The following DENND5B variants were observed in gnomAD, a reference collection of about 807,000 sequenced individuals.
The protein encoded by DENND5B is DENN domain-containing protein 5B.
A neutral mutation model predicts 140.6 loss-of-function variants in DENND5B; 34 were observed. The ratio of observed to expected loss-of-function variants is 0.24; its 90% CI spans 0.18 to 0.32. DENND5B has a LOEUF of 0.32. Among genes scored for constraint, DENND5B ranks in the 10% least tolerant of loss-of-function variants. The probability of loss-of-function intolerance (pLI) is 1.00; values close to 1 mark genes in which losing one functional copy is unlikely to be tolerated. For synonymous variants in DENND5B, 551 were observed against 562.1 expected, an observed-to-expected ratio of 0.98 and a Z score of 0.28; for missense variants, 1,142 against 1,560.2, an observed-to-expected ratio of 0.73 and a Z score of 4.52.
At chr12:31,563,086 T>C (rs1949529835) in intron 1 of DENND5B, among the ~76,000 whole-genome samples, 1 of 152,204 alleles carries the variant, frequency 6.6e-6, no homozygotes, top group Non-Finnish European at 1.5e-5. Context: ...AAATGAGTTC[T>C]ACTGACCATC....
In DENND5B at chr12:31,521,887, T is replaced by C. The variant is rs527793900; in HGVS notation, c.128-25968A>G. Among the ~76,000 whole-genome samples the C allele has an allele frequency of 4.7e-4, 71 of 152,344 alleles. 1 individual carries two copies. The highest frequency in any genetic ancestry group is 1.6e-3 in the African/African-American group (68 of 41,584). On this transcript the variant is annotated intron_variant, in intron 1 of 20. Coordinates refer to ENST00000389082, the MANE Select transcript of DENND5B (RefSeq NM_144973.4). ...AAATCATCTTCTTAATATGCTAATC[T>C]GATCATTATAATCCCCTGCATAAAA...
At chr12:31,564,937 C>T (rs929105506) in intron 1 of DENND5B, among the ~76,000 whole-genome samples, 8 of 152,018 alleles carry the variant, frequency 5.3e-5, no homozygotes, top group African/African-American at 1.7e-4. Context: ...TTTCCTTCAG[C>T]GGAGATGGCA....
intron 8 of DENND5B, 29 bp downstream of exon 8, chr12:31,433,126 G>T: frequency 6.3e-7 from 1 of 1,599,406 alleles, no homozygotes; most frequent in Non-Finnish European, 8.6e-7. Flanking sequence ...CGCTTGCTGT[G>T]AGGCACCCCA....
intron 1 of DENND5B, among the ~76,000 whole-genome samples, chr12:31,522,664 G>A (rs547059607): frequency 3.7e-4 from 56 of 152,130 alleles, no homozygotes; most frequent in Admixed American, 1.6e-3. Context: ...GGCTGGTCTC[G>A]TTACTTGTGA....
At chr12:31,419,370 A>G (rs1942912860) in intron 11 of DENND5B, among the ~76,000 whole-genome samples, 1 of 151,534 alleles carries the variant, frequency 6.6e-6, no homozygotes. Context: ...AATCTCTTGA[A>G]CTCGGGAGGT....
intron 2 of DENND5B, among the ~76,000 whole-genome samples, chr12:31,491,326 G>A (rs934882645): frequency 6.6e-6 from 1 of 152,098 alleles, no homozygotes; most frequent in Non-Finnish European, 1.5e-5. Flanking sequence ...GATGGTGCGC[G>A]ACTATAATCC....
At chr12:31,462,734 G>A (rs962124029) in intron 3 of DENND5B, among the ~76,000 whole-genome samples, 2 of 152,116 alleles carry the variant, frequency 1.3e-5, no homozygotes, top group African/African-American at 4.8e-5. Context: ...CGAGGTGGGT[G>A]GATTACCTGA....
intron 8 of DENND5B, among the ~76,000 whole-genome samples, chr12:31,427,480 T>C (rs148584396): frequency 5.9e-5 from 9 of 151,470 alleles, no homozygotes; most frequent in South Asian, 2.1e-4. Flanking sequence ...GTGGTGGACG[T>C]CTGTAATCCC....
intron 1 of DENND5B, among the ~76,000 whole-genome samples, chr12:31,522,307 A>G (rs188828762): frequency 6.6e-6 from 1 of 152,224 alleles, no homozygotes; most frequent in African/African-American, 2.4e-5. Context: ...AAGCATGGCC[A>G]TATCAGGAAC....
At chr12:31,459,250 C>T (rs2568884) in intron 4 of DENND5B, among the ~76,000 whole-genome samples, 98,568 of 151,730 alleles carry the variant, frequency 0.65, 33,388 homozygotes, top group East Asian at 0.86. Flanking sequence ...GGAGGTGTTA[C>T]TATTCTTACT....
In DENND5B at chr12:31,443,076, G is replaced by A. The variant is rs993884978; in HGVS notation, c.1862-151C>T. 5.3e-5 allele frequency among the ~76,000 whole-genome samples: 8 copies of A among 151,782 alleles called. No homozygotes were observed. In the East Asian group the frequency reaches 5.8e-4, roughly 11 times the overall value. On this transcript the variant is annotated intron_variant, in intron 6 of 20. Coordinates refer to ENST00000389082, the MANE Select transcript of DENND5B (RefSeq NM_144973.4). ...TGTGTGTGTGTGTGCACGCACGCAC[G>A]CATATATGCATGTTTTGAGACAGAG...
rs1267148968 is a variant in DENND5B at position 31,590,661 on chromosome 12, C to T, written c.127+45G>A. 2.8e-6 allele frequency: 4 copies of T among 1,423,404 alleles called. No individual in the cohort carries two copies. In the East Asian group the frequency reaches 1.2e-4, roughly 44 times the overall value. The allele number at this position is 1,423,404 out of a possible 1,614,324, so 88.2% of individuals were successfully genotyped here. A position where few individuals can be genotyped will look rare whatever the true frequency, so the allele number is the denominator to read the frequency against. ...CTCCCGCGCGTCCCCACAGCGTCCC[C>T]CGCGCCCCTGAGGGGGCTCAGCGCC... On this transcript the variant is annotated intron_variant, in intron 1 of 20. Transcript: ENST00000389082.
intron 1 of DENND5B, among the ~76,000 whole-genome samples, chr12:31,589,735 C>T (rs1046964452): frequency 4.6e-5 from 7 of 151,954 alleles, no homozygotes; most frequent in Non-Finnish European, 8.8e-5. Flanking sequence ...ACTTCTCTCA[C>T]CCATTTAACA....
At chr12:31,493,050 A>G (rs576140409) in intron 2 of DENND5B, among the ~76,000 whole-genome samples, 2 of 152,338 alleles carry the variant, frequency 1.3e-5, no homozygotes, top group South Asian at 4.1e-4. Flanking sequence ...CAGGCTGGAA[A>G]GAGTTTACTG....
In DENND5B at chr12:31,424,836, G is replaced by A. The variant is rs78773428; in HGVS notation, c.2239-149C>T. Reference sequence around the variant, plus strand: ...CTTGGGAAAAAAATCTCTTAATCTTGATGTTCAACTAACTGGACTAATATA... The same window carrying A: ...CTTGGGAAAAAAATCTCTTAATCTTAATGTTCAACTAACTGGACTAATATA... On this transcript the variant is annotated intron_variant, in intron 9 of 20. Transcript: ENST00000389082. 2.2e-3 allele frequency: 2,197 copies of A among 977,954 alleles called. 36 individuals are homozygous for A. The African/African-American group carries it at 0.033, about 15-fold the overall frequency. 60.6% of individuals were successfully genotyped at this position (977,954 alleles called of 1,614,324 possible).
At chr12:31,457,444 G>A (rs575564595) in intron 4 of DENND5B, among the ~76,000 whole-genome samples, 26 of 152,086 alleles carry the variant, frequency 1.7e-4, no homozygotes, top group Admixed American at 9.8e-4. Flanking sequence ...TGTTATTTTT[G>A]TAACTATGTT....
chr12:31,470,302 T>C (rs1945496113), intron 3 of DENND5B, among the ~76,000 whole-genome samples: 1 of 151,968 alleles, frequency 6.6e-6, no homozygotes, highest in Non-Finnish European at 1.5e-5. Flanking sequence ...TTAGTAGAGA[T>C]GAGGTTTCTC....
At chr12:31,577,820 A>G (rs1231249524) in intron 1 of DENND5B, among the ~76,000 whole-genome samples, 1 of 151,502 alleles carries the variant, frequency 6.6e-6, no homozygotes, top group Non-Finnish European at 1.5e-5. Flanking sequence ...TCACAGCAGA[A>G]CTGAATGAAA....
chr12:31,546,429 G>A (rs1013380948), intron 1 of DENND5B, among the ~76,000 whole-genome samples: 2 of 152,134 alleles, frequency 1.3e-5, no homozygotes, highest in African/African-American at 2.4e-5. Context: ...GCTCACACCT[G>A]TAATCCCAGC....
Sources: gnomAD v4.1 joint callset for allele counts (sites outside exome capture counted in the v4.1 genomes callset) on GRCh38, gnomAD v4.1.1 for gene constraint, MANE v1.5 for transcripts, NCBI Gene and HGNC (gene_info 2026-07-23, HGNC 2026-07-21) for gene names.